The following SPRY2 variants were observed in gnomAD, a reference collection of about 807,000 sequenced individuals.
SPRY2 encodes protein sprouty homolog 2.
SPRY2 carries 10 observed loss-of-function variants against 23.4 expected under a neutral mutation model. The ratio of observed to expected loss-of-function variants is 0.43; its 90% confidence interval spans 0.26 to 0.73. The LOEUF (loss-of-function observed/expected upper bound fraction) is 0.73, where lower values mean the gene tolerates loss of function less well. Ranked by LOEUF, SPRY2 falls within the 30% of genes least tolerant of loss-of-function variation. SPRY2 has a pLI of 0.22. For synonymous variants in SPRY2, 170 were observed against 156.9 expected (o/e 1.08, Z -0.62); for missense variants, 344 against 396.9 (o/e 0.87, Z 1.13).
At chr13:80,338,249 G>A (rs1299792947) in intron 1 of SPRY2, among the ~76,000 whole-genome samples, 1 of 152,150 alleles carries the variant, frequency 6.6e-6, no homozygotes, top group Non-Finnish European at 1.5e-5. Flanking sequence ...TAACTGTGAC[G>A]TATACGGCAT....
chr13:80,338,171 A>C (rs1397281492), intron 1 of SPRY2, among the ~76,000 whole-genome samples: 3 of 152,232 alleles, frequency 2.0e-5, no homozygotes, highest in African/African-American at 7.2e-5. Context: ...TTTTTGCCTT[A>C]AGCGTTAATA....
chr13:80,337,737 CTT>C lies in SPRY2; in HGVS notation c.-34_-33del, dbSNP rs748400240. The C allele has an allele frequency of 1.9e-6, 3 of 1,592,880 alleles. No homozygotes were observed. The highest frequency in any genetic ancestry group is 4.5e-5 in the East Asian group (2 of 44,812). On this transcript the variant is annotated 5_prime_UTR_variant, in exon 2 of 2. Transcript: ENST00000377104. Reference sequence around the variant, plus strand: ...TTGGAAGTGTGGTCACTCCAGCAGGCTTAGAACACATCTGAACTCCTGAGGAA... The same window carrying C: ...TTGGAAGTGTGGTCACTCCAGCAGGCAGAACACATCTGAACTCCTGAGGAA...
At chr13:80,338,055 G>A (rs1193294860) in intron 1 of SPRY2, among the ~76,000 whole-genome samples, 1 of 152,128 alleles carries the variant, frequency 6.6e-6, no homozygotes, top group Non-Finnish European at 1.5e-5. Flanking sequence ...CAGGTTCAAC[G>A]TAAAAATCGC....
intron 1 of SPRY2, chr13:80,339,543 T>G (rs1356734675): frequency 6.6e-6 from 1 of 152,094 alleles, no homozygotes. Flanking sequence ...ATCTTTGAAA[T>G]AAAAGGGGGC....
Position 80,337,019 on chromosome 13 carries a change from A to G in SPRY2, c.687T>C (p.Cys229=), listed in dbSNP as rs763556746. 1.2e-6 allele frequency: 2 copies of G among 1,614,256 alleles called. No homozygotes were observed. Among genetic ancestry groups the G allele is most frequent in the South Asian group, 2.2e-5 (2 of 91,092 alleles). ...VCCVKGLFYH[C]SNDDEDNCAD... is the part of the protein sequence containing the mutation. ...CACAGTTGTCCTCATCATCATTAGA[A>G]CAGTGATAGAAGAGACCTTTCACAC... The change falls in exon 2 of 2, where the codon TGT becomes TGC. Residue 229 remains cysteine (C), a synonymous_variant. Transcript: ENST00000377104.
At chr13:80,337,956 A>G (rs1274103241) in intron 1 of SPRY2, among the ~76,000 whole-genome samples, 200 bp from the exon 2 acceptor site, 2 of 152,196 alleles carry the variant, frequency 1.3e-5, no homozygotes, top group Admixed American at 6.5e-5. Flanking sequence ...ACAATTCTGT[A>G]ATCCTGTGAT....
intron 1 of SPRY2, among the ~76,000 whole-genome samples, chr13:80,338,462 T>C (rs900706470): frequency 2.6e-5 from 4 of 152,180 alleles, no homozygotes; most frequent in African/African-American, 9.7e-5. Context: ...TTTCAACTTC[T>C]CAACAACTTA....
In SPRY2 at chr13:80,341,020, C is replaced by G. The variant is rs1003337580; in HGVS notation, c.-450G>C. 1.3e-5 allele frequency: 2 copies of G among 148,394 alleles called. No individual in the cohort carries two copies. Among genetic ancestry groups the G allele is most frequent in the Admixed American group, 1.3e-4 (2 of 14,856 alleles). The allele number at this position is 148,394 out of a possible 1,614,324, so 9.2% of individuals were successfully genotyped here. ...CGTCGTAGCGGAGGCGGCGCGGGGG[C>G]GCGGGCCGGGCCGGGCCGGGCGGGC... On this transcript the variant is annotated 5_prime_UTR_variant, in exon 1 of 2. Transcript: ENST00000377104.
At chr13:80,338,373 G>T (rs1444072800) in intron 1 of SPRY2, among the ~76,000 whole-genome samples, 1 of 152,120 alleles carries the variant, frequency 6.6e-6, no homozygotes, top group Admixed American at 6.5e-5. Flanking sequence ...CAAAGTTATA[G>T]AACTAAAAGC....
At position 80,337,045 on chromosome 13, in the gene SPRY2, A is replaced by C; in HGVS notation, c.661T>G (p.Cys221Gly). 6.2e-7 allele frequency: 1 copy of C among 1,614,256 alleles called. No homozygotes were observed. Among genetic ancestry groups the C allele is most frequent in the Non-Finnish European group, 8.5e-7 (1 of 1,180,050 alleles). The part of the protein sequence containing the change: ...NVIDYGTCVC[C>G]VKGLFYHCSN... ...CAGTGATAGAAGAGACCTTTCACAC[A>C]GCATACACAAGTCCCATAGTCAATC... The change falls in exon 2 of 2, where the codon TGT becomes GGT. Residue 221 changes from cysteine to glycine, a missense_variant. Cys to Gly is a radical substitution (Grantham distance 159). Coordinates refer to ENST00000377104, the MANE Select transcript of SPRY2 (RefSeq NM_005842.4).
rs1387298568 is a variant in SPRY2 at position 80,337,250 on chromosome 13, C to T, written c.456G>A (p.Val152=). ...SGPVADGIIR[V]QPKSELKPGE... ...CTGGCTTGAGCTCAGATTTGGGTTG[C>T]ACCCGGATTATGCCATCAGCAACAG... Residue 152 remains valine, a synonymous_variant, in exon 2 of 2, where the codon GTG becomes GTA. Coordinates refer to ENST00000377104, the MANE Select transcript of SPRY2 (RefSeq NM_005842.4). 1.2e-6 allele frequency: 2 copies of T among 1,612,468 alleles called. No homozygotes were observed. The highest frequency in any genetic ancestry group is 1.7e-6 in the Non-Finnish European group (2 of 1,178,530).
At chr13:80,340,103 CA>C (rs1880454158) in intron 1 of SPRY2, among the ~76,000 whole-genome samples, 2 of 152,174 alleles carry the variant, frequency 1.3e-5, no homozygotes, top group Admixed American at 1.3e-4. Flanking sequence ...GCCTTTTTCT[CA>C]CCCTGGAAGT....
At chr13:80,338,041 G>C (rs1239221111) in intron 1 of SPRY2, among the ~76,000 whole-genome samples, 1 of 152,148 alleles carries the variant, frequency 6.6e-6, no homozygotes, top group Non-Finnish European at 1.5e-5. Context: ...CAATTTGTAA[G>C]GTTCAGGTTC....
intron 1 of SPRY2, among the ~76,000 whole-genome samples, chr13:80,340,073 C>T (rs907580829): frequency 1.6e-4 from 25 of 152,248 alleles, no homozygotes; most frequent in Non-Finnish European, 3.1e-4. Flanking sequence ...GAGGCGGGCA[C>T]TCCCTCCACC....
At position 80,337,552 on chromosome 13, in the gene SPRY2, T is replaced by C. The variant is rs1345516409; in HGVS notation, c.154A>G (p.Thr52Ala). 1 of 1,613,908 alleles carries C rather than the reference T, an allele frequency of 6.2e-7. No individual in the cohort carries two copies. Among genetic ancestry groups the C allele is most frequent in the East Asian group, 2.2e-5 (1 of 44,874 alleles). The change falls in exon 2 of 2, where the codon ACC becomes GCC. Residue 52 changes from threonine (T) to alanine (A), a missense_variant. Transcript: ENST00000377104. ...SLDQIRAIRN[T>A]NEYTEGPTVV... ...GTAGGCCCCTCTGTGTACTCATTGG[T>C]GTTTCGGATGGCTCTGATCTGATCC...
rs1880241297 is a variant in SPRY2, at chr13:80,336,088, C to T, written c.*670G>A. 1 of 152,058 alleles carries T rather than the reference C, an allele frequency of 6.6e-6. No individual in the cohort carries two copies. The highest frequency in any genetic ancestry group is 2.4e-5 in the African/African-American group (1 of 41,394). The allele number at this position is 152,058 out of a possible 1,614,324, so 9.4% of individuals were successfully genotyped here. A position where few individuals can be genotyped will look rare whatever the true frequency, so the allele number is the denominator to read the frequency against. On this transcript the variant is annotated 3_prime_UTR_variant, in exon 2 of 2. Transcript: ENST00000377104. ...TAAAAGGGGCAAAATTTGTAAGATG[C>T]CTCTTAAAATAAATATTCTTTTTTA...
At chr13:80,340,445 C>G (rs1051343330) in intron 1 of SPRY2, among the ~76,000 whole-genome samples, 177 bp downstream of exon 1, 1 of 152,222 alleles carries the variant, frequency 6.6e-6, no homozygotes, top group Non-Finnish European at 1.5e-5. Context: ...GAGCCCAAGC[C>G]CCGGGCGAGG....
chr13:80,337,268 A>T lies in SPRY2; in HGVS notation c.438T>A (p.Ala146=), dbSNP rs781292659. 1 of 1,613,044 alleles carries T rather than the reference A, an allele frequency of 6.2e-7. No homozygotes were observed. The highest frequency in any genetic ancestry group is 2.2e-5 in the East Asian group (1 of 44,846). The stretch of plus-strand genomic sequence containing the variant: ...TGGGTTGCACCCGGATTATGCCATC[A>T]GCAACAGGCCCGGAGGAGAAGGATG... The part of the protein sequence containing the change: ...LGSSFSSGPV[A]DGIIRVQPKS... The change falls in exon 2 of 2, where the codon GCT becomes GCA. Residue 146 remains alanine (A), a synonymous_variant. Transcript: ENST00000377104.
In SPRY2 at chr13:80,337,298, T is replaced by C; in HGVS notation, c.408A>G (p.Leu136=). Reference sequence around the variant, plus strand: ...CAGGCCCGGAGGAGAAGGATGATCCTAGCAGTCTCTGTTCAGAGGAGCTGC... The same window carrying C: ...CAGGCCCGGAGGAGAAGGATGATCCCAGCAGTCTCTGTTCAGAGGAGCTGC... ...TSSSSSEQRL[L]GSSFSSGPVA... is the part of the protein sequence containing the mutation. Residue 136 remains leucine (L), a synonymous_variant, in exon 2 of 2, where the codon CTA becomes CTG. Coordinates refer to ENST00000377104, the MANE Select transcript of SPRY2 (RefSeq NM_005842.4). 6.2e-7 allele frequency: 1 copy of C among 1,614,176 alleles called. No individual in the cohort carries two copies. Among genetic ancestry groups the C allele is most frequent in the Non-Finnish European group, 8.5e-7 (1 of 1,180,034 alleles).
Sources: gnomAD v4.1 joint callset for allele counts (sites outside exome capture counted in the v4.1 genomes callset) on GRCh38, gnomAD v4.1.1 for gene constraint, MANE v1.5 for transcripts, NCBI Gene and HGNC (gene_info 2026-07-23, HGNC 2026-07-21) for gene names.